Variants in TTC6 observed in about 807,000 individuals in gnomAD.
The protein encoded by TTC6 is tetratricopeptide repeat domain 6.
TTC6 carries 172 observed loss-of-function variants against 210.4 expected under a neutral mutation model. The observed-to-expected ratio is 0.82, with a 90% CI of 0.72 to 0.93. TTC6 has a LOEUF of 0.93. Among genes scored for constraint, TTC6 ranks in the 40% least tolerant of loss-of-function variants. TTC6 has a pLI of 0.00. For synonymous variants in TTC6, 804 were observed against 819.6 expected (o/e 0.98, Z 0.32); for missense variants, 2,414 against 2,318.1 (o/e 1.04, Z -0.85).
chr14:37,634,936 T>C (rs2095677212), intron 1 of TTC6, among the ~76,000 whole-genome samples: 1 of 152,178 alleles, frequency 6.6e-6, no homozygotes, highest in Non-Finnish European at 1.5e-5. Context: ...AGGACTTTTT[T>C]TTTCCAGCAG....
chr14:37,732,003 C>G (rs1175869691), intron 7 of TTC6, among the ~76,000 whole-genome samples: 1 of 151,750 alleles, frequency 6.6e-6, no homozygotes, highest in African/African-American at 2.4e-5. Flanking sequence ...ATAATTGATC[C>G]TTGAACAATG....
At chr14:37,824,812 G>C (rs1403811973) in intron 27 of TTC6, among the ~76,000 whole-genome samples, 1 of 152,092 alleles carries the variant, frequency 6.6e-6, no homozygotes, top group East Asian at 1.9e-4. Context: ...CCGTAAAGTG[G>C]AACCAGCCCA....
intron 6 of TTC6, among the ~76,000 whole-genome samples, chr14:37,715,650 GT>G (rs2138767888): frequency 6.6e-6 from 1 of 152,266 alleles, no homozygotes; most frequent in South Asian, 2.1e-4. Flanking sequence ...ATGGAAATGG[GT>G]TTCTCATGAG....
intron 1 of TTC6, among the ~76,000 whole-genome samples, chr14:37,640,137 T>C (rs974886849): frequency 1.3e-5 from 2 of 152,038 alleles, no homozygotes; most frequent in Non-Finnish European, 2.9e-5. Context: ...CATGAGAGTG[T>C]TTTTTTCAAG....
intron 25 of TTC6, among the ~76,000 whole-genome samples, chr14:37,812,839 T>C (rs780164231): frequency 6.6e-6 from 1 of 152,196 alleles, no homozygotes; most frequent in Non-Finnish European, 1.5e-5. Context: ...AGGAAATAGT[T>C]ACTCAGAATG....
At chr14:37,665,092 A>G (rs2095745208) in intron 1 of TTC6, among the ~76,000 whole-genome samples, 1 of 150,614 alleles carries the variant, frequency 6.6e-6, no homozygotes, top group South Asian at 2.1e-4. Flanking sequence ...CAGTGTGGCA[A>G]TTCCTCAAAT....
intron 29 of TTC6, 130 bp downstream of exon 31, chr14:37,827,496 G>T: frequency 2.4e-6 from 2 of 821,974 alleles, no homozygotes; most frequent in East Asian, 2.7e-5. Context: ...TATTTAAAAT[G>T]TTATCTTTCA....
chr14:37,733,000 G>A (rs917223047), intron 7 of TTC6, among the ~76,000 whole-genome samples: 1 of 152,124 alleles, frequency 6.6e-6, no homozygotes, highest in Admixed American at 6.5e-5. Flanking sequence ...AAGAAAATCT[G>A]TAAATAAGTA....
At chr14:37,681,274 T>G (rs2095782997) in intron 2 of TTC6, among the ~76,000 whole-genome samples, 1 of 152,112 alleles carries the variant, frequency 6.6e-6, no homozygotes, top group Non-Finnish European at 1.5e-5. Context: ...TATAGTAAAC[T>G]GAAAGTACAA....
rs112276910 is a variant in TTC6 at position 37,599,466 on chromosome 14, C to T, written c.-235+3458C>T. On this transcript the variant is annotated intron_variant, in intron 1 of 2. Coordinates refer to the TTC6 transcript ENST00000556845. ...TGTGTAAAAGCAACGCATAAACATA[C>T]CCAGGGCTTTCACTTATTTTATTGA... is the stretch of plus-strand genomic sequence containing the variant. Among the ~76,000 whole-genome samples, 8 of 152,300 alleles carry T rather than the reference C, an allele frequency of 5.3e-5. 1 individual carries two copies. Among genetic ancestry groups the T allele is most frequent in the African/African-American group, 1.2e-4 (5 of 41,564 alleles).
chr14:37,839,026 G>A (rs866012080), intron 29 of TTC6, among the ~76,000 whole-genome samples: 5 of 152,146 alleles, frequency 3.3e-5, no homozygotes, highest in African/African-American at 4.8e-5. Flanking sequence ...GTGTATATGT[G>A]CCACATTTGC....
At chr14:37,760,992 C>A (rs906326368) in intron 14 of TTC6, among the ~76,000 whole-genome samples, 1 of 152,172 alleles carries the variant, frequency 6.6e-6, no homozygotes, top group Non-Finnish European at 1.5e-5. Flanking sequence ...ACTTGGCTCC[C>A]TGGCTTCAGC....
At chr14:37,760,629 C>T (rs2095981434) in intron 14 of TTC6, among the ~76,000 whole-genome samples, 1 of 152,212 alleles carries the variant, frequency 6.6e-6, no homozygotes, top group African/African-American at 2.4e-5. Flanking sequence ...TGCCCCTTTC[C>T]TCAGGTGCTC....
At chr14:37,765,115 G>A (rs1008176866) in intron 14 of TTC6, among the ~76,000 whole-genome samples, 1 of 151,720 alleles carries the variant, frequency 6.6e-6, no homozygotes, top group Non-Finnish European at 1.5e-5. Flanking sequence ...GTATAAGTTT[G>A]TCCCCAACTT....
At chr14:37,646,450 T>C (rs1447452618) in intron 1 of TTC6, among the ~76,000 whole-genome samples, 1 of 152,060 alleles carries the variant, frequency 6.6e-6, no homozygotes, top group African/African-American at 2.4e-5. Flanking sequence ...CAAAAGATGA[T>C]GAGACTATAG....
At chr14:37,752,783 T>A (rs1411306335) in intron 13 of TTC6, among the ~76,000 whole-genome samples, 1 of 152,226 alleles carries the variant, frequency 6.6e-6, no homozygotes, top group East Asian at 1.9e-4. Flanking sequence ...CTGAGATAGA[T>A]CCAATGAACT....
At chr14:37,642,518 ATCT>A (rs1371168429) in intron 1 of TTC6, among the ~76,000 whole-genome samples, 1 of 152,164 alleles carries the variant, frequency 6.6e-6, no homozygotes, top group Non-Finnish European at 1.5e-5. Context: ...CTTTTACTTA[ATCT>A]TCTTAGCTTT....
chr14:37,657,347 T>G (rs1471030255), intron 1 of TTC6, among the ~76,000 whole-genome samples: 3 of 130,836 alleles, frequency 2.3e-5, no homozygotes, highest in Non-Finnish European at 5.1e-5. Flanking sequence ...AAGCTTTCTA[T>G]TTAAAAAAAA....
chr14:37,712,881 A>G (rs1285548648), intron 5 of TTC6, among the ~76,000 whole-genome samples: 1 of 152,140 alleles, frequency 6.6e-6, no homozygotes, highest in Non-Finnish European at 1.5e-5. Flanking sequence ...TTAAGCAAAA[A>G]GGGACTTAGT....
Sources: allele counts gnomAD v4.1 joint callset (sites outside exome capture counted in the v4.1 genomes callset), GRCh38; gene constraint gnomAD v4.1.1; transcripts MANE v1.5; gene names NCBI Gene and HGNC (gene_info 2026-07-23, HGNC 2026-07-21).